The following KDM4C variants were observed in gnomAD, a reference collection of about 807,000 sequenced individuals.
The protein encoded by KDM4C is lysine demethylase 4C.
Under a neutral mutation model 129.3 loss-of-function variants are expected in KDM4C, and 81 were observed. That is an observed-to-expected ratio of 0.63 (90% CI 0.52 to 0.75). The LOEUF (loss-of-function observed/expected upper bound fraction) is 0.75, where lower values mean the gene tolerates loss of function less well. Among genes scored for constraint, KDM4C ranks in the 30% least tolerant of loss-of-function variants. The pLI is 0.00. For missense variants in KDM4C, 1,457 were observed against 1,304.0 expected, an observed-to-expected ratio of 1.12 and a Z score of -1.81; for synonymous variants, 573 against 456.1, an observed-to-expected ratio of 1.26 and a Z score of -3.26.
chr9:6,946,397 T>G (rs1589248266), intron 8 of KDM4C, among the ~76,000 whole-genome samples: 1 of 152,186 alleles, frequency 6.6e-6, no homozygotes, highest in East Asian at 1.9e-4. Context: ...CGCAGTAATT[T>G]TGTAATATTT....
chr9:7,136,308 G>A (rs1356576637), intron 19 of KDM4C, among the ~76,000 whole-genome samples: 1 of 152,206 alleles, frequency 6.6e-6, no homozygotes, highest in Non-Finnish European at 1.5e-5. Flanking sequence ...TCAAGGCTTT[G>A]TATGGACATG....
chr9:6,847,473 A>C (rs1020699621), intron 4 of KDM4C, among the ~76,000 whole-genome samples: 5 of 151,622 alleles, frequency 3.3e-5, no homozygotes, highest in African/African-American at 1.2e-4. Context: ...ATCTCGGCTC[A>C]CTGCAAACAC....
chr9:6,731,825 A>G (rs62566478), intron 1 of KDM4C, among the ~76,000 whole-genome samples: 13,115 of 152,184 alleles, frequency 0.086, 740 homozygotes, highest in Non-Finnish European at 0.12. Context: ...TTCTGGCCTC[A>G]GTGTGTCATT....
chr9:6,723,776 C>T (rs750329480), intron 1 of KDM4C: 13 of 152,168 alleles, frequency 8.5e-5, no homozygotes, highest in African/African-American at 1.2e-4. Context: ...ATTTCCAACG[C>T]CTGCCAAAAT....
At chr9:6,966,108 A>G (rs1263883752) in intron 8 of KDM4C, among the ~76,000 whole-genome samples, 1 of 152,234 alleles carries the variant, frequency 6.6e-6, no homozygotes, top group Non-Finnish European at 1.5e-5. Context: ...AAAAACCTAA[A>G]GCAAATACCA....
chr9:6,934,287 C>T (rs1824316423), intron 8 of KDM4C, among the ~76,000 whole-genome samples: 1 of 151,738 alleles, frequency 6.6e-6, no homozygotes, highest in African/African-American at 2.4e-5. Context: ...TGAGACTATC[C>T]TGGCTAACAT....
intron 18 of KDM4C, among the ~76,000 whole-genome samples, chr9:7,110,623 A>C (rs1256999934): frequency 6.6e-6 from 1 of 152,268 alleles, no homozygotes; most frequent in East Asian, 1.9e-4. Context: ...TATGGTGCAC[A>C]TACTCTTCCA....
At chr9:6,901,892 C>G (rs932874651) in intron 8 of KDM4C, among the ~76,000 whole-genome samples, 2 of 152,186 alleles carry the variant, frequency 1.3e-5, no homozygotes, top group Non-Finnish European at 2.9e-5. Context: ...AGACTTCAGT[C>G]TATGTTCTCA....
chr9:7,052,896 A>T (rs866508944), intron 17 of KDM4C, among the ~76,000 whole-genome samples: 52 of 13,066 alleles, frequency 4.0e-3, no homozygotes, highest in African/African-American at 9.3e-3. Context: ...AGAGAGAGAG[A>T]GAGAGCGAGC....
At chr9:6,788,409 G>T (rs572723458) in intron 1 of KDM4C, among the ~76,000 whole-genome samples, 2 of 152,310 alleles carry the variant, frequency 1.3e-5, no homozygotes, top group South Asian at 4.1e-4. Flanking sequence ...ACTGCCTTCT[G>T]TGTACCAAAT....
chr9:7,009,169 T>C (rs1379773738), intron 12 of KDM4C, among the ~76,000 whole-genome samples: 2 of 151,968 alleles, frequency 1.3e-5, no homozygotes, highest in African/African-American at 4.8e-5. Context: ...CACAAACAAG[T>C]TGAGAATTTC....
At chr9:7,158,658 A>G (rs966848001) in intron 19 of KDM4C, among the ~76,000 whole-genome samples, 1 of 152,066 alleles carries the variant, frequency 6.6e-6, no homozygotes, top group East Asian at 1.9e-4. Flanking sequence ...GTTTTGAGTG[A>G]GTTTCTTTAT....
At chr9:7,021,238 G>A (rs889333418) in intron 15 of KDM4C, among the ~76,000 whole-genome samples, 1 of 151,086 alleles carries the variant, frequency 6.6e-6, no homozygotes. Flanking sequence ...TGCAACCTCT[G>A]CCTCCCAGGT....
At chr9:7,050,227 C>T (rs559432516) in intron 17 of KDM4C, among the ~76,000 whole-genome samples, 1 of 151,844 alleles carries the variant, frequency 6.6e-6, no homozygotes, top group South Asian at 2.1e-4. Context: ...ATGGGCCTTT[C>T]ATGGAACTGA....
intron 8 of KDM4C, among the ~76,000 whole-genome samples, chr9:6,894,551 A>C (rs144316326): frequency 2.0e-5 from 3 of 152,372 alleles, no homozygotes; most frequent in African/African-American, 7.2e-5. Flanking sequence ...TAAGTCAGCT[A>C]TTACAGCTGT....
chr9:6,756,175 A>T (rs546294559), upstream of KDM4C, among the ~76,000 whole-genome samples: 1 of 152,322 alleles, frequency 6.6e-6, no homozygotes, highest in East Asian at 1.9e-4. Context: ...CTTAACCGCT[A>T]TGCTTCAGTT....
chr9:6,919,255 C>CTTTCTTTAT (rs1554643792), intron 8 of KDM4C, among the ~76,000 whole-genome samples: 20 of 122,528 alleles, frequency 1.6e-4, no homozygotes, highest in African/African-American at 6.0e-4. Flanking sequence ...TCTTTTCTTT[C>CTTTCTTTAT]TTTCTTTCTT....
At chr9:6,940,793 CA>C (rs1825801655) in intron 8 of KDM4C, among the ~76,000 whole-genome samples, 1 of 152,154 alleles carries the variant, frequency 6.6e-6, no homozygotes, top group Admixed American at 6.5e-5. Context: ...ATTTCATTAT[CA>C]TTTTCATTTA....
intron 17 of KDM4C, among the ~76,000 whole-genome samples, chr9:7,062,776 G>A (rs1234748632): frequency 6.6e-6 from 1 of 151,914 alleles, no homozygotes; most frequent in Non-Finnish European, 1.5e-5. Flanking sequence ...AGATTTGTGT[G>A]TTTAGTTTTG....
Sources: gnomAD v4.1 joint callset for allele counts (sites outside exome capture counted in the v4.1 genomes callset) on GRCh38, gnomAD v4.1.1 for gene constraint, MANE v1.5 for transcripts, NCBI Gene and HGNC (gene_info 2026-07-23, HGNC 2026-07-21) for gene names.